SEMA3D: variants seen among roughly 807,000 people sequenced by gnomAD.
SEMA3D encodes the protein semaphorin 3D, also known as semaphorin-3D.
SEMA3D carries 84 observed loss-of-function variants against 100.1 expected under a neutral mutation model. The ratio of observed to expected loss-of-function variants is 0.84; its 90% confidence interval spans 0.70 to 1.01. The LOEUF is 1.01. Among genes scored for constraint, SEMA3D ranks in the 50% least tolerant of loss-of-function variants. The pLI, the probability that SEMA3D is intolerant of heterozygous loss-of-function variation, is 0.00. For missense variants in SEMA3D, 875 were observed against 934.1 expected (o/e 0.94, Z 0.82); for synonymous variants, 312 against 320.7 (o/e 0.97, Z 0.29).
At chr7:85,099,023 C>T (rs1459240657) in intron 3 of SEMA3D, among the ~76,000 whole-genome samples, 1 of 151,892 alleles carries the variant, frequency 6.6e-6, no homozygotes, top group African/African-American at 2.4e-5. Flanking sequence ...TTTATTAGTG[C>T]TAATATTTTG....
intron 8 of SEMA3D, among the ~76,000 whole-genome samples, chr7:85,062,632 A>G (rs1258432663): frequency 6.6e-6 from 1 of 152,212 alleles, no homozygotes; most frequent in African/African-American, 2.4e-5. Flanking sequence ...CTTTAAATCC[A>G]ATTAAAACAA....
At chr7:85,106,160 C>T (rs1322742716) in intron 3 of SEMA3D, among the ~76,000 whole-genome samples, 1 of 151,946 alleles carries the variant, frequency 6.6e-6, no homozygotes, top group Non-Finnish European at 1.5e-5. Flanking sequence ...ATGGAATAAA[C>T]TTCCTGGAAA....
intron 11 of SEMA3D, among the ~76,000 whole-genome samples, chr7:85,039,163 G>A (rs570873405): frequency 1.1e-4 from 16 of 152,172 alleles, no homozygotes; most frequent in African/African-American, 3.9e-4. Flanking sequence ...CAGGAGAAAG[G>A]GTGTGCTTTG....
chr7:85,099,339 C>A (rs892717906), intron 3 of SEMA3D, among the ~76,000 whole-genome samples: 2 of 151,840 alleles, frequency 1.3e-5, no homozygotes, highest in African/African-American at 4.8e-5. Context: ...TAAGGGGAAA[C>A]CCCTTTCACT....
intron 14 of SEMA3D, 25 bp from the exon 15 acceptor site, chr7:85,018,318 T>C: frequency 6.7e-7 from 1 of 1,484,232 alleles, no homozygotes; most frequent in African/African-American, 1.4e-5. Context: ...TAAATGTCAA[T>C]AAAGATAATC....
At chr7:85,193,805 A>G in the SEMA3D span, among the ~76,000 whole-genome samples, 1 of 152,024 alleles carries the variant, frequency 6.6e-6, no homozygotes, top group Non-Finnish European at 1.5e-5. Flanking sequence ...TTATGGCTGC[A>G]GTTCTTTTTA....
At chr7:85,009,595 AAC>A (rs1002915781) in intron 17 of SEMA3D, among the ~76,000 whole-genome samples, 3 of 151,606 alleles carry the variant, frequency 2.0e-5, no homozygotes, top group African/African-American at 7.3e-5. Flanking sequence ...TAAAAAAAAA[AAC>A]AACTTTTCTG....
chr7:85,241,354 C>CA, the SEMA3D span, among the ~76,000 whole-genome samples: 2 of 150,920 alleles, frequency 1.3e-5, no homozygotes, highest in South Asian at 2.1e-4. Context: ...AGTTATTATA[C>CA]AAAAAAGATA....
rs1165136684 is a variant in SEMA3D, at chr7:84,996,392, G to C, written c.*3048C>G. ...GTAAAGAGCATTATTTTAGCCAACA[G>C]AATGATGAGACTTTATGAATTTTAA... On this transcript the variant is annotated 3_prime_UTR_variant, in exon 19 of 19. Coordinates refer to ENST00000284136, the MANE Select transcript of SEMA3D (RefSeq NM_001384900.1). The C allele has an allele frequency of 6.6e-6, 1 of 151,992 alleles. No homozygotes were observed. Among genetic ancestry groups the C allele is most frequent in the Non-Finnish European group, 1.5e-5 (1 of 67,862 alleles). The allele number at this position is 151,992 out of a possible 1,614,324, so 9.4% of individuals were successfully genotyped here. A position where few individuals can be genotyped will look rare whatever the true frequency, so the allele number is the denominator to read the frequency against.
At chr7:85,135,186 T>C (rs969424059) in intron 2 of SEMA3D, among the ~76,000 whole-genome samples, 2 of 152,056 alleles carry the variant, frequency 1.3e-5, no homozygotes, top group African/African-American at 4.8e-5. Flanking sequence ...CTTTGCTATG[T>C]TTTTGCATTT....
At position 85,020,226 on chromosome 7, in the gene SEMA3D, G is replaced by A; in HGVS notation, c.1503+7C>T. 6.3e-7 allele frequency: 1 copy of A among 1,593,522 alleles called. No individual in the cohort carries two copies. Among genetic ancestry groups the A allele is most frequent in the Non-Finnish European group, 8.6e-7 (1 of 1,162,464 alleles). ...CTTTTCTCCTGGCACTCTGGACTGA[G>A]TCTTACCTTGAATATCTGCAACTCC... is the stretch of plus-strand genomic sequence containing the variant. On this transcript the variant is annotated splice_region_variant and intron_variant, in intron 14 of 18. Transcript: ENST00000284136.
chr7:85,042,537 G>C (rs1230814542), intron 9 of SEMA3D, among the ~76,000 whole-genome samples: 1 of 149,914 alleles, frequency 6.7e-6, no homozygotes, highest in Admixed American at 6.6e-5. Context: ...TGCATACAAG[G>C]CAATGGTAAA....
the SEMA3D span, among the ~76,000 whole-genome samples, chr7:85,240,652 A>G: frequency 2.6e-5 from 4 of 152,128 alleles, no homozygotes; most frequent in Non-Finnish European, 5.9e-5. Flanking sequence ...GTTGTTAATT[A>G]TTGATTAAAT....
intron 5 of SEMA3D, among the ~76,000 whole-genome samples, chr7:85,078,481 A>G (rs932293117): frequency 1.3e-5 from 2 of 152,138 alleles, no homozygotes; most frequent in Admixed American, 6.5e-5. Context: ...AGCCCAGGCT[A>G]CCCTCACCCT....
chr7:85,222,482 T>C, the SEMA3D span, among the ~76,000 whole-genome samples: 4 of 152,176 alleles, frequency 2.6e-5, no homozygotes, highest in Non-Finnish European at 5.9e-5. Flanking sequence ...TGTTTCCCAC[T>C]ATGGTTTTTG....
At chr7:85,033,890 CA>C (rs1790617593) in intron 12 of SEMA3D, among the ~76,000 whole-genome samples, 1 of 151,298 alleles carries the variant, frequency 6.6e-6, no homozygotes, top group Admixed American at 6.6e-5. Flanking sequence ...CACACACACA[CA>C]CAATCTCCCA....
intron 2 of SEMA3D, among the ~76,000 whole-genome samples, chr7:85,135,003 A>ATT (rs71082184): frequency 1.3e-5 from 2 of 149,106 alleles, no homozygotes; most frequent in African/African-American, 4.9e-5. Flanking sequence ...TTAGAACCAC[A>ATT]TTTTTTTTTT....
At chr7:85,166,718 A>ATCT (rs1790917273) in intron 1 of SEMA3D, among the ~76,000 whole-genome samples, 2 of 152,012 alleles carry the variant, frequency 1.3e-5, no homozygotes, top group Admixed American at 1.3e-4. Flanking sequence ...TCTGTATTGC[A>ATCT]TTAGAGATGA....
chr7:85,125,340 C>A (rs1475837252), intron 2 of SEMA3D, among the ~76,000 whole-genome samples: 1 of 152,004 alleles, frequency 6.6e-6, no homozygotes, highest in Non-Finnish European at 1.5e-5. Flanking sequence ...CATTGAGATA[C>A]CTACTCCTCC....
Sources: allele counts gnomAD v4.1 joint callset (sites outside exome capture counted in the v4.1 genomes callset), GRCh38; gene constraint gnomAD v4.1.1; transcripts MANE v1.5; gene names NCBI Gene and HGNC (gene_info 2026-07-23, HGNC 2026-07-21).